Variants in RHOBTB1 observed in about 807,000 individuals in gnomAD.
RHOBTB1 encodes the protein rho-related BTB domain-containing protein 1.
Under a neutral mutation model 71.6 loss-of-function variants are expected in RHOBTB1, and 40 were observed. That is an observed-to-expected ratio of 0.56 (90% CI 0.43 to 0.73). The LOEUF is 0.73. Ranked by LOEUF, RHOBTB1 falls within the 30% of genes least tolerant of loss-of-function variation. RHOBTB1 has a pLI of 0.00. For missense variants in RHOBTB1, 797 were observed against 894.0 expected (o/e 0.89, Z 1.38); for synonymous variants, 319 against 334.9 (o/e 0.95, Z 0.52).
intron 2 of RHOBTB1, among the ~76,000 whole-genome samples, chr10:60,956,243 AC>A (rs2085588260): frequency 6.6e-6 from 1 of 152,212 alleles, no homozygotes; most frequent in South Asian, 2.1e-4. Context: ...CAGAAAAGGT[AC>A]AGTAAAAATA....
At chr10:61,000,283 C>T (rs2087212854) in intron 1 of RHOBTB1, among the ~76,000 whole-genome samples, 2 of 152,074 alleles carry the variant, frequency 1.3e-5, no homozygotes, top group East Asian at 1.9e-4. Context: ...TTGATACCTA[C>T]TTCTTCTCAC....
rs186100544 is a variant in RHOBTB1 at position 60,894,210 on chromosome 10, C to A, written c.297-1215G>T. On this transcript the variant is annotated intron_variant, in intron 4 of 10. Transcript: ENST00000337910. ...TAATCACTTGCAATGCAGAAAACTG[C>A]AGGGTGCTTACATTAAATGTAATTC... 2.0e-3 allele frequency among the ~76,000 whole-genome samples: 297 copies of A among 152,256 alleles called. 1 individual carries two copies. The highest frequency in any genetic ancestry group is 6.4e-3 in the African/African-American group (267 of 41,554).
At chr10:61,001,602 C>T (rs904696223), upstream of RHOBTB1, among the ~76,000 whole-genome samples, 1 of 151,920 alleles carries the variant, frequency 6.6e-6, no homozygotes, top group Admixed American at 6.5e-5. Flanking sequence ...GCAGCCGCCG[C>T]CCTGCGGGGC....
chr10:60,900,282 C>T (rs1271364802), intron 4 of RHOBTB1, among the ~76,000 whole-genome samples: 2 of 152,136 alleles, frequency 1.3e-5, no homozygotes, highest in East Asian at 3.9e-4. Flanking sequence ...GGTAAGAATT[C>T]CGAGAGAGAG....
chr10:60,871,971 C>T, intron 10 of RHOBTB1: 1 of 625,780 alleles, frequency 1.6e-6, no homozygotes, highest in Non-Finnish European at 2.8e-6. Flanking sequence ...TGGACTCTAG[C>T]CCACCCAACT....
chr10:60,897,131 T>C (rs2082198867), intron 4 of RHOBTB1, among the ~76,000 whole-genome samples: 1 of 152,148 alleles, frequency 6.6e-6, no homozygotes, highest in Non-Finnish European at 1.5e-5. Context: ...AAAGTGCATC[T>C]TACCCACATA....
At chr10:60,874,143 A>C (rs146301640) in intron 9 of RHOBTB1, among the ~76,000 whole-genome samples, 1,955 of 152,310 alleles carry the variant, frequency 0.013, 21 homozygotes, top group Non-Finnish European at 0.021. Flanking sequence ...GTCTTAACAG[A>C]AAGAGGGAGC....
rs2082944563 is a variant in RHOBTB1, at chr10:60,911,100, C to T, written c.193-110G>A. The T allele has an allele frequency of 1.2e-5, 10 of 868,950 alleles. No individual in the cohort carries two copies. The South Asian group carries it at 1.4e-4, about 12-fold the overall frequency. 53.8% of individuals were successfully genotyped at this position (868,950 alleles called of 1,614,324 possible). A position where few individuals can be genotyped will look rare whatever the true frequency, so the allele number is the denominator to read the frequency against. On this transcript the variant is annotated intron_variant, in intron 3 of 10. Coordinates refer to ENST00000337910, the MANE Select transcript of RHOBTB1 (RefSeq NM_014836.5). The stretch of plus-strand genomic sequence containing the variant: ...CCATCAATTCACTTGCATTAAGTTT[C>T]CTTATTCTATCTGACGGGATTTAAG...
At chr10:60,992,368 C>T (rs970040531) in intron 1 of RHOBTB1, among the ~76,000 whole-genome samples, 11 of 152,028 alleles carry the variant, frequency 7.2e-5, no homozygotes, top group Non-Finnish European at 1.3e-4. Context: ...TCTTCATTTT[C>T]GCTACTGTAT....
intron 1 of RHOBTB1, among the ~76,000 whole-genome samples, chr10:60,988,225 C>T (rs1026245222): frequency 2.0e-5 from 3 of 152,018 alleles, no homozygotes; most frequent in Admixed American, 6.5e-5. Context: ...TGAGCCATCA[C>T]GCCCGGCCTG....
chr10:60,897,709 A>G (rs1187771766), intron 4 of RHOBTB1, among the ~76,000 whole-genome samples: 1 of 151,986 alleles, frequency 6.6e-6, no homozygotes, highest in Non-Finnish European at 1.5e-5. Flanking sequence ...ATACATATAC[A>G]TATAATTTTT....
At chr10:60,952,524 A>G (rs1006359090) in intron 2 of RHOBTB1, among the ~76,000 whole-genome samples, 3 of 152,218 alleles carry the variant, frequency 2.0e-5, no homozygotes, top group African/African-American at 7.2e-5. Context: ...GAGGAAGCCG[A>G]GGATCAAAAA....
intron 1 of RHOBTB1, among the ~76,000 whole-genome samples, chr10:60,997,373 A>T (rs925322460): frequency 6.6e-6 from 1 of 152,182 alleles, no homozygotes; most frequent in Non-Finnish European, 1.5e-5. Context: ...TTAATTCAGA[A>T]CTGTGCATAA....
chr10:60,909,177 C>T (rs201634594), intron 4 of RHOBTB1, among the ~76,000 whole-genome samples: 5 of 151,786 alleles, frequency 3.3e-5, no homozygotes, highest in East Asian at 3.9e-4. Flanking sequence ...TGAAGGCCAT[C>T]GTGCCATTAA....
intron 2 of RHOBTB1, among the ~76,000 whole-genome samples, chr10:60,981,877 C>G (rs2086507716): frequency 6.6e-6 from 1 of 152,084 alleles, no homozygotes; most frequent in Non-Finnish European, 1.5e-5. Context: ...TCAAGTGATT[C>G]TCCTGCTTCA....
At chr10:60,876,654 G>C (rs766363001) in intron 8 of RHOBTB1, among the ~76,000 whole-genome samples, 2 of 152,156 alleles carry the variant, frequency 1.3e-5, no homozygotes, top group Non-Finnish European at 2.9e-5. Context: ...CCCAGAGTGA[G>C]TATTTTAAAA....
At chr10:60,917,516 G>T (rs10994576) in intron 2 of RHOBTB1, among the ~76,000 whole-genome samples, 72,703 of 151,930 alleles carry the variant, frequency 0.48, 18,078 homozygotes, top group East Asian at 0.73. Flanking sequence ...TCTGGTGAGG[G>T]CTCTCTTCCT....
intron 2 of RHOBTB1, among the ~76,000 whole-genome samples, chr10:60,985,453 A>G (rs2086631067): frequency 6.6e-6 from 1 of 152,256 alleles, no homozygotes; most frequent in East Asian, 1.9e-4. Context: ...TGCCACGCAC[A>G]GCAATCTGGT....
At chr10:60,875,189 G>A in intron 8 of RHOBTB1, 147 bp from the exon 9 acceptor site, 1 of 631,182 alleles carries the variant, frequency 1.6e-6, no homozygotes, top group Admixed American at 2.6e-5. Flanking sequence ...TCCAGAAGCT[G>A]CTCTGATGTG....
Sources: gnomAD v4.1 joint callset for allele counts (sites outside exome capture counted in the v4.1 genomes callset) on GRCh38, gnomAD v4.1.1 for gene constraint, MANE v1.5 for transcripts, NCBI Gene and HGNC (gene_info 2026-07-23, HGNC 2026-07-21) for gene names.